MCM8: variants seen among roughly 807,000 people sequenced by gnomAD.
MCM8 encodes the protein DNA helicase MCM8.
MCM8 carries 85 observed loss-of-function variants against 98.9 expected under a neutral mutation model. That is an observed-to-expected ratio of 0.86 (90% confidence interval 0.72 to 1.03). The LOEUF (loss-of-function observed/expected upper bound fraction) is 1.03, where lower values mean the gene tolerates loss of function less well. MCM8 is among the 50% of genes least tolerant of loss of function. The probability of loss-of-function intolerance (pLI) is 0.00; values close to 1 mark genes in which losing one functional copy is unlikely to be tolerated. For missense variants in MCM8, 951 were observed against 997.8 expected (o/e 0.95, Z 0.63); for synonymous variants, 352 against 338.6 (o/e 1.04, Z -0.44).
chr20:5,989,046 A>G (rs1212116902), intron 17 of MCM8, among the ~76,000 whole-genome samples: 1 of 152,078 alleles, frequency 6.6e-6, no homozygotes, highest in Non-Finnish European at 1.5e-5. Flanking sequence ...AGTGATGCTC[A>G]ATAAAGTGAC....
intron 12 of MCM8, among the ~76,000 whole-genome samples, chr20:5,974,149 T>C (rs974562521): frequency 6.6e-6 from 1 of 152,208 alleles, no homozygotes; most frequent in African/African-American, 2.4e-5. Flanking sequence ...CTTTATTTTT[T>C]TGAGACAAGG....
At chr20:5,951,851 A>G (rs1030817819) in intron 1 of MCM8, among the ~76,000 whole-genome samples, 160 bp from the exon 2 acceptor site, 8 of 152,242 alleles carry the variant, frequency 5.3e-5, no homozygotes, top group African/African-American at 1.9e-4. Context: ...ACTTAACTGC[A>G]GAATATTTGG....
chr20:5,962,292 T>C (rs2122692542), intron 7 of MCM8, among the ~76,000 whole-genome samples: 1 of 151,688 alleles, frequency 6.6e-6, no homozygotes, highest in South Asian at 2.1e-4. Context: ...CACATTCTGT[T>C]GGTAACAAAG....
At chr20:5,961,120 A>T (rs1402459442) in intron 7 of MCM8, among the ~76,000 whole-genome samples, 1 of 152,234 alleles carries the variant, frequency 6.6e-6, no homozygotes, top group Non-Finnish European at 1.5e-5. Flanking sequence ...ATATGCCTGT[A>T]GTCCCAACTA....
intron 13 of MCM8, among the ~76,000 whole-genome samples, chr20:5,981,431 T>A (rs1393131837): frequency 6.6e-6 from 1 of 152,136 alleles, no homozygotes; most frequent in Non-Finnish European, 1.5e-5. Flanking sequence ...TGGGACACAT[T>A]CCCAACAGAG....
rs3761873 is a variant in MCM8, at chr20:5,958,568, A to T, written c.631A>T (p.Arg211Ter). Residue 211 changes from arginine (R) to a stop codon, truncating the protein, a stop_gained, in exon 7 of 19, where the codon AGA (arginine) becomes TGA (stop). Transcript: ENST00000610722. LOFTEE classifies it high-confidence loss of function. ...YEPLTQLKNV[R>*]ANYYGKYIAL... ...GCCTTTGACACAGCTCAAGAATGTC[A>T]GAGCAAATTACTATGGAAAATACAT... The T allele has an allele frequency of 8.1e-6, 13 of 1,613,976 alleles. No homozygotes were observed. The highest frequency in any genetic ancestry group is 1.3e-5 in the African/African-American group (1 of 74,888).
intron 12 of MCM8, among the ~76,000 whole-genome samples, chr20:5,975,497 C>CTT (rs11476043): frequency 3.1e-4 from 40 of 128,958 alleles, no homozygotes; most frequent in African/African-American, 5.1e-4. Flanking sequence ...TTTTTTTGCT[C>CTT]TTTTTTTTTT....
chr20:5,953,592 G>C (rs12480833), intron 3 of MCM8, among the ~76,000 whole-genome samples: 6,991 of 151,978 alleles, frequency 0.046, 257 homozygotes, highest in African/African-American at 0.1. Flanking sequence ...TCCTGCCTCA[G>C]CCTCCCGAGT....
chr20:5,962,309 C>A (rs2326680), intron 7 of MCM8, among the ~76,000 whole-genome samples: 54,570 of 146,626 alleles, frequency 0.37, 15,314 homozygotes, highest in African/African-American at 0.77. Context: ...AAAGTGAGTC[C>A]CAGGCCTTCT....
At position 5,958,321 on chromosome 20, in the gene MCM8, A is replaced by G. The variant is rs548590405; in HGVS notation, c.591-207A>G. 2.6e-5 allele frequency among the ~76,000 whole-genome samples: 4 copies of G among 152,344 alleles called. No individual in the cohort carries two copies. In the East Asian group the frequency reaches 7.7e-4, roughly 29 times the overall value. On this transcript the variant is annotated intron_variant, in intron 6 of 18. Coordinates refer to ENST00000610722, the MANE Select transcript of MCM8 (RefSeq NM_032485.6). ...GAGGCAGTGGTTGCAGTGAGCCAAG[A>G]TGGCACCCCTGCACTCCAGCCTGGC...
At chr20:5,974,548 T>G (rs187316119) in intron 12 of MCM8, among the ~76,000 whole-genome samples, 2 of 152,346 alleles carry the variant, frequency 1.3e-5, no homozygotes, top group Admixed American at 1.3e-4. Flanking sequence ...TTCCAAGGAT[T>G]GGGATCCTGG....
rs1568607347 is a variant in MCM8 at position 5,998,062 on chromosome 20, C to T, written c.*3671C>T. 1 of 152,094 alleles carries T rather than the reference C, an allele frequency of 6.6e-6. No individual in the cohort carries two copies. The highest frequency in any genetic ancestry group is 1.5e-5 in the Non-Finnish European group (1 of 68,030). The allele number at this position is 152,094 out of a possible 1,614,324, so 9.4% of individuals were successfully genotyped here. A position where few individuals can be genotyped will look rare whatever the true frequency, so the allele number is the denominator to read the frequency against. Reference sequence around the variant, plus strand: ...ATAAAGAAGGGAAATATCGTACTTACATTAGCATGTTATAGTTGCTGTTGT... The same window carrying T: ...ATAAAGAAGGGAAATATCGTACTTATATTAGCATGTTATAGTTGCTGTTGT... On this transcript the variant is annotated 3_prime_UTR_variant, in exon 19 of 19. Transcript: ENST00000610722.
intron 7 of MCM8, among the ~76,000 whole-genome samples, chr20:5,959,690 C>CTTT (rs61232248): frequency 4.6e-5 from 3 of 65,200 alleles, no homozygotes; most frequent in African/African-American, 1.2e-4. Context: ...GTAGGCTGTA[C>CTTT]TTTTTTTTTT....
intron 14 of MCM8, 80 bp from the exon 15 acceptor site, chr20:5,984,701 A>T: frequency 8.7e-7 from 1 of 1,143,468 alleles, no homozygotes; most frequent in Non-Finnish European, 1.3e-6. Flanking sequence ...GAACTTGAGT[A>T]GTAAATAAGT....
intron 17 of MCM8, among the ~76,000 whole-genome samples, chr20:5,987,612 C>T (rs181256744): frequency 2.8e-4 from 42 of 152,234 alleles, no homozygotes; most frequent in Middle Eastern, 3.4e-3. Context: ...AGCTATTTAC[C>T]ACCTACTCGC....
chr20:5,987,413 C>A, intron 17 of MCM8, 55 bp downstream of exon 17: 1 of 1,450,620 alleles, frequency 6.9e-7, no homozygotes, highest in South Asian at 1.2e-5. Flanking sequence ...CTTCCCATCT[C>A]AAATTAGGTA....
At chr20:5,962,082 T>C (rs1441765769) in intron 7 of MCM8, among the ~76,000 whole-genome samples, 1 of 152,174 alleles carries the variant, frequency 6.6e-6, no homozygotes, top group African/African-American at 2.4e-5. Context: ...TACAGCAAGG[T>C]GGCTGGGGGC....
intron 7 of MCM8, among the ~76,000 whole-genome samples, chr20:5,962,500 G>A (rs1208255489): frequency 9.5e-6 from 1 of 104,876 alleles, no homozygotes; most frequent in Non-Finnish European, 1.6e-5. Flanking sequence ...TCAGCCTCCC[G>A]AGTAGCTGGG....
chr20:5,987,834 A>G (rs1313572956), intron 17 of MCM8, among the ~76,000 whole-genome samples: 2 of 152,176 alleles, frequency 1.3e-5, no homozygotes, highest in Admixed American at 6.5e-5. Context: ...CTTTTAAATA[A>G]TGCTACAATG....
Sources: gnomAD v4.1 joint callset for allele counts (sites outside exome capture counted in the v4.1 genomes callset) on GRCh38, gnomAD v4.1.1 for gene constraint, MANE v1.5 for transcripts, NCBI Gene and HGNC (gene_info 2026-07-23, HGNC 2026-07-21) for gene names.